The following KCNH1 variants were observed in gnomAD, a reference collection of about 807,000 sequenced individuals.
KCNH1 encodes the protein potassium voltage-gated channel subfamily H member 1.
KCNH1 carries 27 observed loss-of-function variants against 69.2 expected under a neutral mutation model. That is an observed-to-expected ratio of 0.39 (90% CI 0.29 to 0.54). The LOEUF (loss-of-function observed/expected upper bound fraction) is 0.54. KCNH1 is among the 20% of genes least tolerant of loss of function. KCNH1 has a pLI of 0.68. For synonymous variants in KCNH1, 456 were observed against 487.7 expected (o/e 0.93, Z 0.86); for missense variants, 798 against 1,261.6 (o/e 0.63, Z 5.57).
intron 8 of KCNH1, among the ~76,000 whole-genome samples, chr1:210,803,395 T>A (rs1033917561): frequency 2.6e-4 from 39 of 152,160 alleles, no homozygotes; most frequent in Admixed American, 2.6e-3. Context: ...AGCCGCTGCA[T>A]CTGGCCTGAC....
intron 6 of KCNH1, among the ~76,000 whole-genome samples, chr1:210,966,148 T>C (rs1452881021): frequency 6.6e-6 from 1 of 152,208 alleles, no homozygotes; most frequent in Non-Finnish European, 1.5e-5. Context: ...GTTCCCTATT[T>C]AACAAATGGT....
At position 210,831,511 on chromosome 1, in the gene KCNH1, G is replaced by A. The variant is rs190651771; in HGVS notation, c.1463-27345C>T. On this transcript the variant is annotated intron_variant, in intron 7 of 10. Coordinates refer to ENST00000271751, the MANE Select transcript of KCNH1 (RefSeq NM_172362.3). ...AGCTACTTCCTATCACCAAACAATG[G>A]AGGAAGTTGCAAATAGCTATGAATA... Among the ~76,000 whole-genome samples, 14 of 152,276 alleles carry A rather than the reference G, an allele frequency of 9.2e-5. No individual in the cohort carries two copies. In the South Asian group the frequency reaches 2.5e-3, roughly 27 times the overall value.
chr1:211,026,635 C>T (rs1035187783), intron 5 of KCNH1, among the ~76,000 whole-genome samples: 1 of 152,152 alleles, frequency 6.6e-6, no homozygotes, highest in Admixed American at 6.6e-5. Context: ...CTGAGATATT[C>T]CAGCCAGAAA....
intron 7 of KCNH1, among the ~76,000 whole-genome samples, chr1:210,845,824 A>G (rs1034191199): frequency 2.0e-5 from 3 of 152,208 alleles, no homozygotes; most frequent in African/African-American, 4.8e-5. Context: ...GTATATCTAG[A>G]AAACCCCATC....
At chr1:210,940,304 GAAAACACAGCCTGT>G (rs1252281448) in intron 6 of KCNH1, among the ~76,000 whole-genome samples, 2 of 152,186 alleles carry the variant, frequency 1.3e-5, no homozygotes, top group African/African-American at 4.8e-5. Flanking sequence ...CAGCCACAGA[GAAAACACAGCCTGT>G]AAGCTGCAAT....
chr1:211,053,767 A>G lies in KCNH1; in HGVS notation c.558+29013T>C, dbSNP rs1039092091. On this transcript the variant is annotated intron_variant, in intron 5 of 10. Transcript: ENST00000271751. ...ACCACCACAATCAGATGCCTCATCA[A>G]CTGGGGACCCAATGGACTCCCACCA... 1.8e-4 allele frequency among the ~76,000 whole-genome samples: 28 copies of G among 152,184 alleles called. 1 individual carries two copies. Among genetic ancestry groups the G allele is most frequent in the Admixed American group, 1.1e-3 (17 of 15,274 alleles).
chr1:210,951,495 A>G (rs905693895), intron 6 of KCNH1, among the ~76,000 whole-genome samples: 1 of 152,160 alleles, frequency 6.6e-6, no homozygotes, highest in Non-Finnish European at 1.5e-5. Context: ...AGCTATTGGA[A>G]GCTATGCAAT....
chr1:210,976,835 G>A (rs1373316849), intron 6 of KCNH1, among the ~76,000 whole-genome samples: 2 of 148,436 alleles, frequency 1.3e-5, no homozygotes, highest in African/African-American at 5.0e-5. Flanking sequence ...TGGAGAAATA[G>A]GAACACTTTT....
At chr1:211,024,204 TC>T (rs1201387981) in intron 5 of KCNH1, among the ~76,000 whole-genome samples, 1 of 152,132 alleles carries the variant, frequency 6.6e-6, no homozygotes, top group African/African-American at 2.4e-5. Flanking sequence ...CAAATCAAAA[TC>T]ATTTCAAATT....
chr1:210,931,450 T>C (rs1574345415), intron 6 of KCNH1, among the ~76,000 whole-genome samples: 1 of 152,078 alleles, frequency 6.6e-6, no homozygotes, highest in Non-Finnish European at 1.5e-5. Context: ...CTCACTCACA[T>C]GTGGGAGCTA....
At chr1:211,087,731 C>T (rs1161319023) in intron 4 of KCNH1, among the ~76,000 whole-genome samples, 1 of 151,972 alleles carries the variant, frequency 6.6e-6, no homozygotes, top group Non-Finnish European at 1.5e-5. Context: ...CATCTGTGGG[C>T]ACTATTTGTC....
intron 7 of KCNH1, among the ~76,000 whole-genome samples, chr1:210,840,643 C>T (rs1685387195): frequency 6.6e-6 from 1 of 152,112 alleles, no homozygotes; most frequent in Non-Finnish European, 1.5e-5. Flanking sequence ...TTCTGCAAAG[C>T]GGGGTTGCAA....
At chr1:210,922,583 C>T (rs1687486171) in intron 6 of KCNH1, among the ~76,000 whole-genome samples, 1 of 152,160 alleles carries the variant, frequency 6.6e-6, no homozygotes, top group African/African-American at 2.4e-5. Flanking sequence ...ACAAACCTTA[C>T]TCTTGGCATG....
chr1:210,720,267 G>A (rs916312725), intron 10 of KCNH1, among the ~76,000 whole-genome samples: 1 of 152,188 alleles, frequency 6.6e-6, no homozygotes, highest in African/African-American at 2.4e-5. Context: ...AGAAAGTGAG[G>A]TATGGGAACG....
chr1:210,793,585 C>T (rs1006296453), intron 9 of KCNH1, among the ~76,000 whole-genome samples: 5 of 152,268 alleles, frequency 3.3e-5, no homozygotes, highest in African/African-American at 7.2e-5. Context: ...CCCTTTTCTT[C>T]GTTCTTGGCA....
rs141000991 is a variant in KCNH1 at position 211,132,223 on chromosome 1, A to G, written c.79+1644T>C. ...TGGTGTCACTGACAATGGGATAACC[A>G]AATTTGCAAGATTGTCTCCATACCC... On this transcript the variant is annotated intron_variant, in intron 1 of 10. Coordinates refer to ENST00000271751, the MANE Select transcript of KCNH1 (RefSeq NM_172362.3). 7.4e-4 allele frequency among the ~76,000 whole-genome samples: 113 copies of G among 152,372 alleles called. 1 individual carries two copies. The highest frequency in any genetic ancestry group is 2.6e-3 in the African/African-American group (107 of 41,602).
At chr1:211,005,082 A>T (rs1421091312) in intron 6 of KCNH1, among the ~76,000 whole-genome samples, 1 of 152,054 alleles carries the variant, frequency 6.6e-6, no homozygotes, top group African/African-American at 2.4e-5. Context: ...TGAGGAATGA[A>T]AAAAAGAAAA....
intron 7 of KCNH1, among the ~76,000 whole-genome samples, chr1:210,835,769 A>T (rs1685267515): frequency 6.6e-6 from 1 of 152,160 alleles, no homozygotes; most frequent in Admixed American, 6.5e-5. Flanking sequence ...GATGGAGAAG[A>T]GGACAATTGA....
chr1:210,741,264 G>A (rs1683023745), intron 10 of KCNH1, among the ~76,000 whole-genome samples: 1 of 152,166 alleles, frequency 6.6e-6, no homozygotes, highest in South Asian at 2.1e-4. Flanking sequence ...TGTAATCACA[G>A]ATTTACCTAC....
Sources: gnomAD v4.1 joint callset for allele counts (sites outside exome capture counted in the v4.1 genomes callset) on GRCh38, gnomAD v4.1.1 for gene constraint, MANE v1.5 for transcripts, NCBI Gene and HGNC (gene_info 2026-07-23, HGNC 2026-07-21) for gene names.